Variants in EGFLAM observed in about 807,000 individuals in gnomAD.
The protein encoded by EGFLAM is pikachurin.
A neutral mutation model predicts 113.1 loss-of-function variants in EGFLAM; 79 were observed. The observed-to-expected ratio is 0.70, with a 90% CI of 0.58 to 0.84. EGFLAM has a LOEUF of 0.84. Among genes scored for constraint, EGFLAM ranks in the 40% least tolerant of loss-of-function variants. The pLI, the probability that EGFLAM is intolerant of heterozygous loss-of-function variation, is 0.00. For missense variants in EGFLAM, 1,265 were observed against 1,291.6 expected (o/e 0.98, Z 0.32); for synonymous variants, 504 against 487.6 (o/e 1.03, Z -0.44).
At chr5:38,404,160 C>A (rs1222003587) in intron 6 of EGFLAM, among the ~76,000 whole-genome samples, 1 of 152,152 alleles carries the variant, frequency 6.6e-6, no homozygotes, top group Non-Finnish European at 1.5e-5. Context: ...TGACTTTCTG[C>A]CATTTCCTTC....
intron 19 of EGFLAM, among the ~76,000 whole-genome samples, chr5:38,457,008 T>C (rs1743108268): frequency 6.6e-6 from 1 of 152,218 alleles, no homozygotes; most frequent in Non-Finnish European, 1.5e-5. Context: ...AAGGGGGATA[T>C]TTCTCTCTGG....
intron 6 of EGFLAM, among the ~76,000 whole-genome samples, chr5:38,393,011 T>A (rs1740856852): frequency 6.6e-6 from 1 of 152,188 alleles, no homozygotes; most frequent in Non-Finnish European, 1.5e-5. Flanking sequence ...GTGCTGGGAT[T>A]ACAAGCGTGA....
At chr5:38,265,554 A>C (rs1757612360) in intron 1 of EGFLAM, among the ~76,000 whole-genome samples, 1 of 152,234 alleles carries the variant, frequency 6.6e-6, no homozygotes, top group Non-Finnish European at 1.5e-5. Context: ...GAGATATGGC[A>C]GCCTTTAGAG....
chr5:38,346,123 A>G (rs532812100), intron 3 of EGFLAM, among the ~76,000 whole-genome samples: 1 of 152,288 alleles, frequency 6.6e-6, no homozygotes, highest in Non-Finnish European at 1.5e-5. Flanking sequence ...AATGCACCCA[A>G]GCTGAAGGTA....
At chr5:38,337,229 T>G (rs1273295805) in intron 1 of EGFLAM, among the ~76,000 whole-genome samples, 1 of 152,190 alleles carries the variant, frequency 6.6e-6, no homozygotes, top group East Asian at 1.9e-4. Context: ...GTGTTTGTGG[T>G]CTATGCTACC....
At chr5:38,370,216 T>G in intron 5 of EGFLAM, 80 bp from the exon 6 acceptor site, 1 of 1,430,136 alleles carries the variant, frequency 7.0e-7, no homozygotes, top group Admixed American at 1.8e-5. Flanking sequence ...TCAAATGCTA[T>G]TAGTTTACAT....
chr5:38,375,410 C>T (rs1161020730), intron 6 of EGFLAM, among the ~76,000 whole-genome samples: 5 of 152,156 alleles, frequency 3.3e-5, no homozygotes, highest in Non-Finnish European at 5.9e-5. Flanking sequence ...TGATTTAATG[C>T]CCACTTTGCT....
chr5:38,425,764 A>C (rs1741985176), intron 13 of EGFLAM, among the ~76,000 whole-genome samples: 2 of 152,244 alleles, frequency 1.3e-5, no homozygotes, highest in Admixed American at 1.3e-4. Flanking sequence ...GGTTTGTATC[A>C]GACTGAATTC....
At chr5:38,263,351 A>G (rs1296114464) in intron 1 of EGFLAM, among the ~76,000 whole-genome samples, 6 of 152,188 alleles carry the variant, frequency 3.9e-5, no homozygotes, top group Non-Finnish European at 2.9e-5. Flanking sequence ...AGTCTCAGCT[A>G]CTTGGGAGGC....
intron 6 of EGFLAM, among the ~76,000 whole-genome samples, chr5:38,396,989 C>G (rs1740978435): frequency 6.6e-6 from 1 of 152,092 alleles, no homozygotes; most frequent in African/African-American, 2.4e-5. Context: ...TTATGTACTT[C>G]AAAAGGCAAC....
chr5:38,304,383 A>T (rs1758672622), intron 1 of EGFLAM, among the ~76,000 whole-genome samples: 1 of 152,194 alleles, frequency 6.6e-6, no homozygotes, highest in Non-Finnish European at 1.5e-5. Context: ...ACTAGTTAAA[A>T]GCAAAAGGTC....
At chr5:38,436,933 G>A (rs1742370134) in intron 16 of EGFLAM, among the ~76,000 whole-genome samples, 1 of 152,210 alleles carries the variant, frequency 6.6e-6, no homozygotes, top group South Asian at 2.1e-4. Flanking sequence ...GCAAGCCTTT[G>A]GAAGCTTAGA....
intron 17 of EGFLAM, among the ~76,000 whole-genome samples, chr5:38,445,157 G>A (rs1427574350): frequency 6.6e-6 from 1 of 152,006 alleles, no homozygotes; most frequent in Non-Finnish European, 1.5e-5. Context: ...AAATAACCAG[G>A]GGTCTGGAAT....
At chr5:38,360,709 C>A (rs1739897464) in intron 5 of EGFLAM, among the ~76,000 whole-genome samples, 1 of 152,160 alleles carries the variant, frequency 6.6e-6, no homozygotes, top group African/African-American at 2.4e-5. Flanking sequence ...CAGCGCCTAG[C>A]CCTTAGTAAG....
chr5:38,398,707 C>T (rs1234686849), intron 6 of EGFLAM, among the ~76,000 whole-genome samples: 1 of 152,204 alleles, frequency 6.6e-6, no homozygotes, highest in East Asian at 1.9e-4. Context: ...GAGGCTCAAG[C>T]TTGCAGGGCC....
intron 15 of EGFLAM, among the ~76,000 whole-genome samples, chr5:38,434,766 A>G (rs1742291346): frequency 6.6e-6 from 1 of 152,180 alleles, no homozygotes; most frequent in Non-Finnish European, 1.5e-5. Context: ...TATTGGCTAT[A>G]AGAAGTCACA....
Position 38,424,986 on chromosome 5 carries a change from C to A in EGFLAM, c.1704C>A (p.Ile568=), listed in dbSNP as rs866033078. The A allele has an allele frequency of 6.2e-7, 1 of 1,613,942 alleles. No homozygotes were observed. Among genetic ancestry groups the A allele is most frequent in the East Asian group, 2.2e-5 (1 of 44,868 alleles). The change falls in exon 13 of 22, where the codon ATC becomes ATA. Residue 568 remains isoleucine, a synonymous_variant. Coordinates refer to ENST00000322350, the MANE Select transcript of EGFLAM (RefSeq NM_152403.4). ...GADVGECSSG[I]CDEASCIHGG... ...ATTTAGGGGAATGCAGCAGTGGAAT[C>A]TGTGATGAGGCCTCGTGCATCCATG...
At chr5:38,397,988 G>A (rs1165587867) in intron 6 of EGFLAM, among the ~76,000 whole-genome samples, 1 of 152,178 alleles carries the variant, frequency 6.6e-6, no homozygotes, top group Non-Finnish European at 1.5e-5. Flanking sequence ...ATAGATCCTG[G>A]TTCAGTCATT....
chr5:38,261,238 C>G (rs957200968), intron 1 of EGFLAM, among the ~76,000 whole-genome samples: 3 of 152,182 alleles, frequency 2.0e-5, no homozygotes, highest in Non-Finnish European at 4.4e-5. Flanking sequence ...TTCTCTTCAC[C>G]CCAAGATAGC....
Sources: gnomAD v4.1 joint callset for allele counts (sites outside exome capture counted in the v4.1 genomes callset) on GRCh38, gnomAD v4.1.1 for gene constraint, MANE v1.5 for transcripts, NCBI Gene and HGNC (gene_info 2026-07-23, HGNC 2026-07-21) for gene names.